ADAMTSL1: variants seen among roughly 807,000 people sequenced by gnomAD.
The protein encoded by ADAMTSL1 is ADAMTS-like protein 1.
A neutral mutation model predicts 201.8 loss-of-function variants in ADAMTSL1; 126 were observed. The observed-to-expected ratio is 0.62, with a 90% CI of 0.54 to 0.72. The LOEUF (loss-of-function observed/expected upper bound fraction) is 0.72. Ranked by LOEUF, ADAMTSL1 falls within the 30% of genes least tolerant of loss-of-function variation. The pLI is 0.00. For synonymous variants in ADAMTSL1, 1,121 were observed against 903.4 expected, an observed-to-expected ratio of 1.24 and a Z score of -4.32; for missense variants, 2,679 against 2,277.8, an observed-to-expected ratio of 1.18 and a Z score of -3.59.
At chr9:18,240,851 T>C (rs527757508) in intron 2 of ADAMTSL1, among the ~76,000 whole-genome samples, 24 of 152,330 alleles carry the variant, frequency 1.6e-4, no homozygotes, top group African/African-American at 5.5e-4. Flanking sequence ...TGCATTTTTC[T>C]GTTATAGAGG....
chr9:18,794,015 G>A (rs1007140969), intron 19 of ADAMTSL1, among the ~76,000 whole-genome samples: 4 of 149,654 alleles, frequency 2.7e-5, no homozygotes, highest in African/African-American at 9.8e-5. Flanking sequence ...ATTCTTTTAA[G>A]TCTTTTCAGA....
At chr9:18,851,739 G>A (rs181172539) in intron 23 of ADAMTSL1, among the ~76,000 whole-genome samples, 33 of 152,306 alleles carry the variant, frequency 2.2e-4, no homozygotes, top group Non-Finnish European at 4.1e-4. Context: ...GAAGGGCCAC[G>A]TGTATAGTGT....
intron 1 of ADAMTSL1, among the ~76,000 whole-genome samples, chr9:17,943,833 ATGGTGCAGCCATC>A (rs1202168461): frequency 6.6e-6 from 1 of 152,106 alleles, no homozygotes; most frequent in Non-Finnish European, 1.5e-5. Context: ...TACAGAAAGC[ATGGTGCAGCCATC>A]TGGTTGGCTT....
At chr9:18,552,268 A>AT (rs1243651711) in intron 3 of ADAMTSL1, among the ~76,000 whole-genome samples, 1 of 151,874 alleles carries the variant, frequency 6.6e-6, no homozygotes, top group East Asian at 1.9e-4. Context: ...CCGCAGTGTG[A>AT]TAAAAAAAAA....
chr9:18,240,979 A>T (rs917987359), intron 2 of ADAMTSL1, among the ~76,000 whole-genome samples: 2 of 152,148 alleles, frequency 1.3e-5, no homozygotes, highest in Admixed American at 6.5e-5. Flanking sequence ...CTTGCTCTGG[A>T]TTAGGCTTTG....
intron 2 of ADAMTSL1, among the ~76,000 whole-genome samples, chr9:18,346,070 CT>C: frequency 6.6e-6 from 1 of 152,286 alleles, no homozygotes; most frequent in Non-Finnish European, 1.5e-5. Flanking sequence ...TACCTTATCC[CT>C]GACCCTGTAT....
At chr9:18,712,903 G>C (rs546318570) in intron 14 of ADAMTSL1, among the ~76,000 whole-genome samples, 3 of 147,064 alleles carry the variant, frequency 2.0e-5, no homozygotes, top group African/African-American at 5.0e-5. Context: ...CGGATCTCTC[G>C]GCAGAAACCC....
chr9:17,907,324 G>A (rs1487860470), intron 1 of ADAMTSL1, among the ~76,000 whole-genome samples: 1 of 152,158 alleles, frequency 6.6e-6, no homozygotes, highest in African/African-American at 2.4e-5. Flanking sequence ...CTTGGGCGGC[G>A]CCGGGGACAC....
intron 2 of ADAMTSL1, among the ~76,000 whole-genome samples, chr9:18,456,775 G>A (rs1820622574): frequency 6.6e-6 from 1 of 152,042 alleles, no homozygotes; most frequent in Admixed American, 6.6e-5. Context: ...TGGTTCAAAG[G>A]TCATCCCTGA....
chr9:18,905,212 G>C (rs918941742), intron 26 of ADAMTSL1, among the ~76,000 whole-genome samples: 4 of 152,174 alleles, frequency 2.6e-5, no homozygotes, highest in African/African-American at 9.7e-5. Context: ...ACAGGGTCAG[G>C]CTCCATGAAC....
chr9:18,177,628 C>T (rs937113106), intron 2 of ADAMTSL1, among the ~76,000 whole-genome samples: 3 of 152,190 alleles, frequency 2.0e-5, no homozygotes, highest in African/African-American at 7.2e-5. Flanking sequence ...TCCAAAATGG[C>T]ACCAGAGCTC....
chr9:18,169,317 G>A (rs1024879416), intron 2 of ADAMTSL1, among the ~76,000 whole-genome samples: 1 of 151,822 alleles, frequency 6.6e-6, no homozygotes, highest in Non-Finnish European at 1.5e-5. Flanking sequence ...GTGTAAGGAA[G>A]GGATCCAGTT....
At chr9:18,261,403 C>T (rs1460269992) in intron 2 of ADAMTSL1, among the ~76,000 whole-genome samples, 1 of 152,156 alleles carries the variant, frequency 6.6e-6, no homozygotes, top group East Asian at 1.9e-4. Context: ...TTCCATCTGA[C>T]AGCTGCATTA....
upstream of ADAMTSL1, among the ~76,000 whole-genome samples, chr9:18,469,638 T>C (rs1400155906): frequency 6.6e-6 from 1 of 152,234 alleles, no homozygotes; most frequent in African/African-American, 2.4e-5. Context: ...GCAAGGGCCA[T>C]GCCCACCTTC....
rs200061306 is a variant in ADAMTSL1, at chr9:18,299,021, A to T, written c.207+135040A>T. 6.2e-3 allele frequency among the ~76,000 whole-genome samples: 925 copies of T among 149,732 alleles called. 6 individuals carry two copies. Among genetic ancestry groups the T allele is most frequent in the East Asian group, 0.031 (156 of 5,042 alleles). On this transcript the variant is annotated intron_variant, in intron 2 of 29. Coordinates refer to the ADAMTSL1 transcript ENST00000680146. ...AGCCAGACTCCGTCTCAAAAAAAAA[A>T]AATAATAATAATAATAATAATAGCC...
chr9:17,926,182 A>C (rs1826518552), intron 1 of ADAMTSL1, among the ~76,000 whole-genome samples: 1 of 152,192 alleles, frequency 6.6e-6, no homozygotes, highest in Admixed American at 6.5e-5. Context: ...AAGAATGACT[A>C]TTGTGATGTT....
chr9:18,086,948 G>T (rs1477452501), intron 1 of ADAMTSL1, among the ~76,000 whole-genome samples: 1 of 152,104 alleles, frequency 6.6e-6, no homozygotes, highest in Non-Finnish European at 1.5e-5. Context: ...CTGATTGCTT[G>T]AAATTTTAAG....
At chr9:18,484,177 A>G (rs1821871891) in intron 1 of ADAMTSL1, among the ~76,000 whole-genome samples, 1 of 152,220 alleles carries the variant, frequency 6.6e-6, no homozygotes, top group Non-Finnish European at 1.5e-5. Flanking sequence ...AACAAAACAG[A>G]CATGGTCCTA....
At chr9:18,600,239 G>C (rs1467412253) in intron 4 of ADAMTSL1, among the ~76,000 whole-genome samples, 1 of 152,076 alleles carries the variant, frequency 6.6e-6, no homozygotes, top group South Asian at 2.1e-4. Flanking sequence ...TATCATGATG[G>C]TAATGATAAG....
Sources: allele counts gnomAD v4.1 joint callset (sites outside exome capture counted in the v4.1 genomes callset), GRCh38; gene constraint gnomAD v4.1.1; transcripts MANE v1.5; gene names NCBI Gene and HGNC (gene_info 2026-07-23, HGNC 2026-07-21).